DACH2: variants seen among roughly 807,000 people sequenced by gnomAD.
The protein encoded by DACH2 is dachshund family transcription factor 2.
A neutral mutation model predicts 35.8 loss-of-function variants in DACH2; 17 were observed. The ratio of observed to expected loss-of-function variants is 0.48; its 90% CI spans 0.33 to 0.71. The LOEUF (loss-of-function observed/expected upper bound fraction) is 0.71. Ranked by LOEUF, DACH2 falls within the 30% of genes least tolerant of loss-of-function variation. The pLI is 0.02. For synonymous variants in DACH2, 195 were observed against 177.3 expected (o/e 1.10, Z -0.79); for missense variants, 469 against 472.7 (o/e 0.99, Z 0.07).
intron 3 of DACH2, among the ~76,000 whole-genome samples, chrX:86,593,987 C>A (rs988420009): frequency 9.0e-6 from 1 of 110,674 alleles, no homozygotes; most frequent in Non-Finnish European, 1.9e-5. Flanking sequence ...GGTTATTATT[C>A]TTTTAGAAAA....
At chrX:86,150,972 G>A in intron 1 of DACH2, among the ~76,000 whole-genome samples, 1 of 110,755 alleles carries the variant, frequency 9.0e-6, no homozygotes, top group Non-Finnish European at 1.9e-5. Flanking sequence ...TCTTAAAGTG[G>A]AACAATTATT....
rs1352604115 is a variant in DACH2 at position 86,668,697 on chromosome X, CAAAGA to C, written c.772+17533_772+17537del. On this transcript the variant is annotated intron_variant, in intron 4 of 11. Coordinates refer to ENST00000373125, the MANE Select transcript of DACH2 (RefSeq NM_053281.3). ...ATTGACAAGAGATGTGTACAAGAAA[CAAAGA>C]AATTGATTTTAAAAGGGAAGAAAAT... is the stretch of plus-strand genomic sequence containing the variant. 5.4e-5 allele frequency among the ~76,000 whole-genome samples: 6 copies of C among 111,084 alleles called. 1 individual carries two copies. In the Admixed American group the frequency reaches 5.7e-4, roughly 11 times the overall value.
intron 3 of DACH2, among the ~76,000 whole-genome samples, chrX:86,594,185 AATG>A (rs2039684021): frequency 9.0e-6 from 1 of 111,409 alleles, no homozygotes; most frequent in Non-Finnish European, 1.9e-5. Context: ...TAGGAACAGT[AATG>A]ATAACTGTCT....
chrX:86,600,287 C>T (rs1395837132), intron 3 of DACH2, among the ~76,000 whole-genome samples: 2 of 112,196 alleles, frequency 1.8e-5, no homozygotes, highest in African/African-American at 6.5e-5. Flanking sequence ...AAATAATTCT[C>T]ACCAATTATG....
chrX:86,688,291 T>C (rs2040971987), intron 4 of DACH2, among the ~76,000 whole-genome samples: 1 of 111,803 alleles, frequency 8.9e-6, no homozygotes, highest in Non-Finnish European at 1.9e-5. Flanking sequence ...TTTTTGTTTT[T>C]CATGTTTATT....
At chrX:86,788,716 A>G (rs1193297243) in intron 7 of DACH2, among the ~76,000 whole-genome samples, 2 of 111,962 alleles carry the variant, frequency 1.8e-5, no homozygotes, top group Non-Finnish European at 3.8e-5. Flanking sequence ...AGAGGAAAAC[A>G]ACTGCTCAGA....
intron 3 of DACH2, among the ~76,000 whole-genome samples, chrX:86,638,524 T>C (rs1291893545): frequency 9.0e-6 from 1 of 111,262 alleles, no homozygotes; most frequent in African/African-American, 3.3e-5. Context: ...AGGGGATTGA[T>C]AGTCATAATT....
intron 2 of DACH2, among the ~76,000 whole-genome samples, chrX:86,439,572 G>A (rs896314143): frequency 2.0e-4 from 22 of 111,212 alleles, no homozygotes; most frequent in African/African-American, 6.5e-4. Flanking sequence ...GTTGATTTTT[G>A]TATACCATGT....
chrX:86,216,143 G>T (rs2032565391), intron 1 of DACH2, among the ~76,000 whole-genome samples: 1 of 112,132 alleles, frequency 8.9e-6, no homozygotes, highest in Non-Finnish European at 1.9e-5. Context: ...AATTGAGTAT[G>T]TATGGACAGA....
Position 86,580,369 on chromosome X carries a change from T to C in DACH2, c.640+65978T>C, listed in dbSNP as rs368880776. On this transcript the variant is annotated intron_variant, in intron 3 of 11. Coordinates refer to ENST00000373125, the MANE Select transcript of DACH2 (RefSeq NM_053281.3). ...GACTGTACTAGTTCCTGAACTAGTA[T>C]TGAACTTAACTATGCTGAAATGGTG... 2.5e-4 allele frequency among the ~76,000 whole-genome samples: 28 copies of C among 111,650 alleles called. No homozygotes were observed. The East Asian group carries it at 2.5e-3, about 10-fold the overall frequency.
intron 4 of DACH2, among the ~76,000 whole-genome samples, chrX:86,656,119 T>G (rs2148410706): frequency 9.5e-6 from 1 of 105,161 alleles, no homozygotes; most frequent in Admixed American, 1.0e-4. Context: ...ATAAACACAC[T>G]GTACTATTCC....
At chrX:86,672,345 T>G (rs2040774126) in intron 4 of DACH2, among the ~76,000 whole-genome samples, 1 of 112,058 alleles carries the variant, frequency 8.9e-6, no homozygotes, top group Admixed American at 9.5e-5. Flanking sequence ...TGCCAAATGT[T>G]AATAGCCAAG....
At chrX:86,793,974 A>G (rs1187250829) in intron 7 of DACH2, among the ~76,000 whole-genome samples, 1 of 112,209 alleles carries the variant, frequency 8.9e-6, no homozygotes, top group African/African-American at 3.2e-5. Context: ...TGTAAAAATC[A>G]AAGAAATTTA....
intron 1 of DACH2, among the ~76,000 whole-genome samples, chrX:86,162,970 G>A (rs1182007547): frequency 1.8e-5 from 2 of 110,540 alleles, no homozygotes; most frequent in East Asian, 5.7e-4. Flanking sequence ...TTTTTATATA[G>A]GCATGCAATG....
At chrX:86,563,828 A>G (rs2039259289) in intron 3 of DACH2, among the ~76,000 whole-genome samples, 1 of 111,392 alleles carries the variant, frequency 9.0e-6, no homozygotes, top group African/African-American at 3.3e-5. Context: ...ATAATGTGCG[A>G]TTATTGGTTG....
At position 86,596,432 on chromosome X, in the gene DACH2, A is replaced by G. The variant is rs181783880; in HGVS notation, c.641-54604A>G. Among the ~76,000 whole-genome samples, 5 of 111,207 alleles carry G rather than the reference A, an allele frequency of 4.5e-5. No homozygotes were observed. The East Asian group carries it at 1.4e-3, about 32-fold the overall frequency. On this transcript the variant is annotated intron_variant, in intron 3 of 11. Transcript: ENST00000373125. The stretch of plus-strand genomic sequence containing the variant: ...TTATGACCCCCACTGTGCATATTTC[A>G]TTGTGGTTTTGATTTACTTTTTACT...
At chrX:86,517,124 C>T (rs12688260) in intron 3 of DACH2, among the ~76,000 whole-genome samples, 31,724 of 110,456 alleles carry the variant, frequency 0.29, 4,747 homozygotes, top group African/African-American at 0.58. Flanking sequence ...CTTTGAGGAA[C>T]TGCCATACTG....
At chrX:86,709,581 A>G (rs1411421884) in intron 5 of DACH2, among the ~76,000 whole-genome samples, 5 of 111,797 alleles carry the variant, frequency 4.5e-5, no homozygotes, top group Non-Finnish European at 9.4e-5. Flanking sequence ...AAAACCGTTC[A>G]TGACACACAC....
chrX:86,202,537 G>A (rs1017750903), intron 1 of DACH2, among the ~76,000 whole-genome samples: 1 of 111,499 alleles, frequency 9.0e-6, no homozygotes, highest in East Asian at 2.8e-4. Context: ...GAAAGACTGA[G>A]TAATTTGGTA....
Sources: allele counts gnomAD v4.1 joint callset (sites outside exome capture counted in the v4.1 genomes callset), GRCh38; gene constraint gnomAD v4.1.1; transcripts MANE v1.5; gene names NCBI Gene and HGNC (gene_info 2026-07-23, HGNC 2026-07-21).